SLC36A1: variants seen among roughly 807,000 people sequenced by gnomAD.
The protein encoded by SLC36A1 is solute carrier family 36 member 1, also known as proton-coupled amino acid transporter 1.
SLC36A1 carries 30 observed loss-of-function variants against 47.5 expected under a neutral mutation model. The observed-to-expected ratio is 0.63, with a 90% CI of 0.47 to 0.86. The LOEUF (loss-of-function observed/expected upper bound fraction) is 0.86, where lower values mean the gene tolerates loss of function less well. SLC36A1 is among the 40% of genes least tolerant of loss of function. The pLI is 0.00. For missense variants in SLC36A1, 517 were observed against 606.0 expected, an observed-to-expected ratio of 0.85 and a Z score of 1.54; for synonymous variants, 255 against 249.7, an observed-to-expected ratio of 1.02 and a Z score of -0.20.
chr5:151,483,517 T>TGGGGGG (rs150402922), intron 10 of SLC36A1, among the ~76,000 whole-genome samples: 39 of 126,230 alleles, frequency 3.1e-4, no homozygotes, highest in African/African-American at 4.4e-4. Context: ...TTTGTGTGTG[T>TGGGGGG]GGGGGGGGTG....
At chr5:151,416,818 A>T in the SLC36A1 span, among the ~76,000 whole-genome samples, 1 of 152,200 alleles carries the variant, frequency 6.6e-6, no homozygotes, top group Admixed American at 6.5e-5. Flanking sequence ...AAATCTCCAT[A>T]ATCCCCACAT....
intron 2 of SLC36A1, among the ~76,000 whole-genome samples, chr5:151,459,544 A>G (rs1755200067): frequency 6.6e-6 from 1 of 152,214 alleles, no homozygotes; most frequent in African/African-American, 2.4e-5. Context: ...CCACAAAGCT[A>G]TGCTGGCTGT....
the SLC36A1 span, chr5:151,521,592 G>A: frequency 1.9e-6 from 3 of 1,614,122 alleles, no homozygotes; most frequent in Non-Finnish European, 2.5e-6. Context: ...GGCTGGCCAA[G>A]TGAATGTTAG....
the SLC36A1 span, chr5:151,544,648 A>G: frequency 3.1e-6 from 5 of 1,614,186 alleles, no homozygotes; most frequent in Non-Finnish European, 4.2e-6. Flanking sequence ...CACAGTGACA[A>G]GTACCTCTTC....
the SLC36A1 span, chr5:151,543,081 A>G: frequency 6.2e-7 from 1 of 1,614,148 alleles, no homozygotes; most frequent in Non-Finnish European, 8.5e-7. Context: ...CTTTTTTAGG[A>G]ACCACCTGAA....
chr5:151,515,754 T>C, the SLC36A1 span, among the ~76,000 whole-genome samples: 1 of 152,226 alleles, frequency 6.6e-6, no homozygotes, highest in Non-Finnish European at 1.5e-5. Flanking sequence ...TCCTCTCTTA[T>C]CCAAATTATT....
At chr5:151,517,566 A>G in the SLC36A1 span, 2 of 1,606,736 alleles carry the variant, frequency 1.2e-6, no homozygotes, top group Non-Finnish European at 1.7e-6. Flanking sequence ...CTCACCCCCT[A>G]CCTCCCCAGC....
the SLC36A1 span, chr5:151,510,927 T>G: frequency 1.3e-5 from 2 of 152,416 alleles, no homozygotes; most frequent in African/African-American, 4.8e-5. Context: ...AGGGAGAGTT[T>G]GAACTATGGC....
chr5:151,426,846 G>A, the SLC36A1 span, among the ~76,000 whole-genome samples: 2 of 152,180 alleles, frequency 1.3e-5, no homozygotes, highest in African/African-American at 2.4e-5. Flanking sequence ...GCGGCCTTCC[G>A]CAGCGCATTT....
At chr5:151,510,208 C>G in the SLC36A1 span, 1 of 1,611,686 alleles carries the variant, frequency 6.2e-7, no homozygotes. Flanking sequence ...AGAGACCGCA[C>G]TGGCCTAGCA....
chr5:151,517,758 A>G, the SLC36A1 span: 1 of 1,614,152 alleles, frequency 6.2e-7, no homozygotes, highest in Non-Finnish European at 8.5e-7. Context: ...TGAACCTTGT[A>G]GCAGTACCTG....
At chr5:151,524,623 CT>C in the SLC36A1 span, among the ~76,000 whole-genome samples, 1 of 152,214 alleles carries the variant, frequency 6.6e-6, no homozygotes, top group Non-Finnish European at 1.5e-5. Flanking sequence ...GTCAGTGCTT[CT>C]CTCACTCTCA....
At chr5:151,400,541 C>T in the SLC36A1 span, among the ~76,000 whole-genome samples, 2 of 152,118 alleles carry the variant, frequency 1.3e-5, no homozygotes, top group South Asian at 4.2e-4. Flanking sequence ...ATTGCTGACT[C>T]GAATGGTAGT....
chr5:151,391,619 T>G, the SLC36A1 span, among the ~76,000 whole-genome samples: 41 of 152,242 alleles, frequency 2.7e-4, 1 homozygote, highest in Non-Finnish European at 7.3e-5. Flanking sequence ...GAAGGGCTGT[T>G]GAATTTTGTC....
intron 2 of SLC36A1, among the ~76,000 whole-genome samples, chr5:151,463,121 C>T (rs547225413): frequency 2.2e-4 from 33 of 152,260 alleles, no homozygotes; most frequent in South Asian, 8.3e-4. Flanking sequence ...GGTGATCCAC[C>T]GCTTCGGCCT....
chr5:151,473,823 C>A, intron 8 of SLC36A1, 52 bp downstream of exon 8: 1 of 1,348,950 alleles, frequency 7.4e-7, no homozygotes, highest in South Asian at 1.2e-5. Context: ...CCTTGGTGTT[C>A]TCCAGGTCTG....
chr5:151,479,768 G>A (rs1462623395), intron 10 of SLC36A1: 2 of 526,992 alleles, frequency 3.8e-6, no homozygotes, highest in Non-Finnish European at 6.6e-6. Flanking sequence ...GTAAAGACAT[G>A]CGATTACTAT....
intron 6 of SLC36A1, among the ~76,000 whole-genome samples, 179 bp downstream of exon 6, chr5:151,467,462 C>T (rs1040284143): frequency 6.6e-6 from 1 of 152,186 alleles, no homozygotes; most frequent in African/African-American, 2.4e-5. Flanking sequence ...AGAGCTCGGG[C>T]ATAGAGAAAC....
At chr5:151,505,507 A>C in the SLC36A1 span, 1 of 1,601,252 alleles carries the variant, frequency 6.2e-7, no homozygotes, top group Non-Finnish European at 8.5e-7. Flanking sequence ...CGAGACAGGA[A>C]GAAATAAGCC....
Sources: allele counts gnomAD v4.1 joint callset (sites outside exome capture counted in the v4.1 genomes callset), GRCh38; gene constraint gnomAD v4.1.1; transcripts MANE v1.5; gene names NCBI Gene and HGNC (gene_info 2026-07-23, HGNC 2026-07-21).